The following TSC22D1 variants were observed in gnomAD, a reference collection of about 807,000 sequenced individuals.
TSC22D1 encodes TSC22 domain family protein 1.
Under a neutral mutation model 74.2 loss-of-function variants are expected in TSC22D1, and 9 were observed. That is an observed-to-expected ratio of 0.12 (90% CI 0.07 to 0.21). The LOEUF (loss-of-function observed/expected upper bound fraction) is 0.21, where lower values mean the gene tolerates loss of function less well. Among genes scored for constraint, TSC22D1 ranks in the 10% least tolerant of loss-of-function variants. The probability of loss-of-function intolerance (pLI) is 1.00; values close to 1 mark genes in which losing one functional copy is unlikely to be tolerated. For missense variants in TSC22D1, 1,427 were observed against 1,304.7 expected (o/e 1.09, Z -1.44); for synonymous variants, 586 against 492.5 (o/e 1.19, Z -2.51).
At chr13:44,461,880 A>C (rs1234566886) in intron 1 of TSC22D1, among the ~76,000 whole-genome samples, 1 of 152,228 alleles carries the variant, frequency 6.6e-6, no homozygotes, top group African/African-American at 2.4e-5. Flanking sequence ...CCTTTAGGAA[A>C]TAGGAGCACC....
At chr13:44,476,699 C>T (rs151080663) in intron 1 of TSC22D1, among the ~76,000 whole-genome samples, 6 of 152,272 alleles carry the variant, frequency 3.9e-5, no homozygotes, top group African/African-American at 1.4e-4. Flanking sequence ...CTTTTAGAGA[C>T]AGGGTCTTGC....
Position 44,574,733 on chromosome 13 carries a change from CCACTTTATTTATCAG to C in TSC22D1, c.1327_1341del (p.Leu443_Val447del). ...ATCGGATTTTGCTTTACAGTCTCCA[CCACTTTATTTATCAG>C]CACACCTTCTGTAGCAGGTACAGCA... On this transcript the variant is annotated inframe_deletion, in exon 1 of 3. Coordinates refer to ENST00000458659, the MANE Select transcript of TSC22D1 (RefSeq NM_183422.4). 6.2e-7 allele frequency: 1 copy of C among 1,610,218 alleles called. No individual in the cohort carries two copies. The highest frequency in any genetic ancestry group is 8.5e-7 in the Non-Finnish European group (1 of 1,177,932).
intron 1 of TSC22D1, chr13:44,539,441 G>C (rs542588641): frequency 7.5e-5 from 74 of 985,194 alleles, no homozygotes; most frequent in Admixed American, 5.5e-4. Context: ...TAAATTACTT[G>C]AATATAAAAG....
At chr13:44,563,473 A>T (rs1883176956) in intron 1 of TSC22D1, among the ~76,000 whole-genome samples, 1 of 152,128 alleles carries the variant, frequency 6.6e-6, no homozygotes. Context: ...TTCCTTTTAC[A>T]CTAATCTTCC....
chr13:44,456,372 G>A (rs1255240730), intron 1 of TSC22D1, among the ~76,000 whole-genome samples: 2 of 152,100 alleles, frequency 1.3e-5, no homozygotes, highest in African/African-American at 4.8e-5. Context: ...AGTACCGATT[G>A]GTCTGTTTTT....
In TSC22D1 at chr13:44,573,881, T is replaced by C; in HGVS notation, c.2194A>G (p.Ile732Val). 6.2e-7 allele frequency: 1 copy of C among 1,614,188 alleles called. No homozygotes were observed. The highest frequency in any genetic ancestry group is 8.5e-7 in the Non-Finnish European group (1 of 1,180,038). Residue 732 changes from isoleucine (I) to valine (V), a missense_variant, in exon 1 of 3, where the codon ATT becomes GTT. Ile to Val is a conservative substitution (Grantham distance 29). This residue lies in a region of TSC22D1 where 1,343 missense variants were observed against 1,191.5 expected (regional missense o/e 1.13). Transcript: ENST00000458659. ...GTAGGTATGTTTGCTTGCTGACCAA[T>C]ATTTGCAATCTGACTGCCAGTAGGT... The part of the protein sequence containing the change: ...AVPTGSQIAN[I>V]GQQANIPTAV...
intron 1 of TSC22D1, among the ~76,000 whole-genome samples, chr13:44,517,821 G>A (rs1246153656): frequency 8.9e-4 from 29 of 32,628 alleles, no homozygotes; most frequent in African/African-American, 2.8e-3. Flanking sequence ...ATGTGTGTGT[G>A]TGTGTGTGTA....
chr13:44,459,168 C>T (rs1014561735), intron 1 of TSC22D1, among the ~76,000 whole-genome samples: 12 of 152,210 alleles, frequency 7.9e-5, no homozygotes, highest in Admixed American at 6.5e-4. Context: ...CCATAAAACA[C>T]CCCCGGACTC....
chr13:44,487,703 T>TAA (rs113240665), intron 1 of TSC22D1, among the ~76,000 whole-genome samples: 4 of 147,392 alleles, frequency 2.7e-5, no homozygotes, highest in Admixed American at 1.4e-4. Context: ...TTCAAGAGGT[T>TAA]AAAAAAAAAA....
rs182949699 is a variant in TSC22D1 at position 44,570,076 on chromosome 13, G to A, written c.2912+3087C>T. Among the ~76,000 whole-genome samples, 12 of 152,182 alleles carry A rather than the reference G, an allele frequency of 7.9e-5. No homozygotes were observed. The East Asian group carries it at 1.9e-3, about 24-fold the overall frequency. On this transcript the variant is annotated intron_variant, in intron 1 of 2. Coordinates refer to ENST00000458659, the MANE Select transcript of TSC22D1 (RefSeq NM_183422.4). ...TGAATAGAAGTTTGACCCATTTCAC[G>A]TTAAGAGGCTGTGCTAATAACAATC...
In TSC22D1 at chr13:44,573,101, A is replaced by G. The variant is rs1475849381; in HGVS notation, c.2912+62T>C. 1.3e-5 allele frequency: 20 copies of G among 1,555,142 alleles called. No individual in the cohort carries two copies. In the African/African-American group the frequency reaches 2.5e-4, roughly 19 times the overall value. ...TTAGAGTCATTTTGTGCATACATAT[A>G]GCTACTAAATAGATTAACTTCAAAT... On this transcript the variant is annotated intron_variant, in intron 1 of 2. Transcript: ENST00000458659.
intron 1 of TSC22D1, among the ~76,000 whole-genome samples, chr13:44,481,377 G>A (rs928666901): frequency 6.6e-5 from 10 of 152,144 alleles, no homozygotes; most frequent in Admixed American, 5.2e-4. Flanking sequence ...GGGGTGGGTG[G>A]TTCTGGTTCA....
At chr13:44,541,829 A>G (rs547042225) in intron 1 of TSC22D1, among the ~76,000 whole-genome samples, 1 of 152,254 alleles carries the variant, frequency 6.6e-6, no homozygotes, top group East Asian at 1.9e-4. Context: ...TGGCTCTTTA[A>G]CAGAGGAAAA....
At chr13:44,516,144 T>C (rs1322581065) in intron 1 of TSC22D1, among the ~76,000 whole-genome samples, 1 of 152,188 alleles carries the variant, frequency 6.6e-6, no homozygotes, top group Non-Finnish European at 1.5e-5. Flanking sequence ...ATTAGTAGTA[T>C]GCAGTATCCC....
Position 44,436,208 on chromosome 13 carries a change from T to A in TSC22D1, c.2913-113A>T, listed in dbSNP as rs1260194447. The A allele has an allele frequency of 2.5e-6, 3 of 1,221,644 alleles. No individual in the cohort carries two copies. The African/African-American group carries it at 4.6e-5, about 19-fold the overall frequency. The allele number at this position is 1,221,644 out of a possible 1,614,324, so 75.7% of individuals were successfully genotyped here. A position where few individuals can be genotyped will look rare whatever the true frequency, so the allele number is the denominator to read the frequency against. On this transcript the variant is annotated intron_variant, in intron 1 of 2. Transcript: ENST00000458659. The stretch of plus-strand genomic sequence containing the variant: ...TGCTAGCATCATATTTTGAATGTTA[T>A]TTAACACTATGTAATGTATCACCCT...
At chr13:44,493,864 T>C (rs570384324) in intron 1 of TSC22D1, among the ~76,000 whole-genome samples, 1 of 152,256 alleles carries the variant, frequency 6.6e-6, no homozygotes, top group Non-Finnish European at 1.5e-5. Flanking sequence ...GTCAAAACAA[T>C]TGCTAACCAC....
chr13:44,539,919 A>C (rs1315026512), intron 1 of TSC22D1: 2 of 1,289,596 alleles, frequency 1.6e-6, no homozygotes, highest in South Asian at 1.2e-5. Context: ...GGTAGGAGAG[A>C]AGCACTGAAA....
rs1216532392 is a variant in TSC22D1, at chr13:44,576,046, G to C, written c.29C>G (p.Ala10Gly). The C allele has an allele frequency of 1.9e-6, 3 of 1,570,706 alleles. No individual in the cohort carries two copies. The highest frequency in any genetic ancestry group is 2.6e-6 in the Non-Finnish European group (3 of 1,160,258). The change falls in exon 1 of 3, where the codon GCG becomes GGG. Residue 10 changes from alanine to glycine, a missense_variant. Physicochemically the swap from Ala to Gly is moderately conservative, Grantham distance 60 (BLOSUM62 0). This residue lies in a region of TSC22D1 where 1,343 missense variants were observed against 1,191.5 expected (regional missense o/e 1.13). Coordinates refer to ENST00000458659, the MANE Select transcript of TSC22D1 (RefSeq NM_183422.4). MHQPPESTA[A>G]AAAAADISAR... ...GCTAATGTCTGCAGCGGCGGCGGCC[G>C]CGGCGGTGGACTCAGGCGGCTGGTG... is the stretch of plus-strand genomic sequence containing the variant.
At position 44,574,228 on chromosome 13, in the gene TSC22D1, G is replaced by T. The variant is rs753947651; in HGVS notation, c.1847C>A (p.Thr616Asn). Residue 616 changes from threonine to asparagine, a missense_variant, in exon 1 of 3, where the codon ACT becomes AAT. Thr to Asn is a moderately conservative substitution (Grantham distance 65, BLOSUM62 0). Coordinates refer to ENST00000458659, the MANE Select transcript of TSC22D1 (RefSeq NM_183422.4). ...GGGTGGTGGTGCCCCTGGAAGGGGA[G>T]TTTGCACTGGAGGAGCCGCCTGAGA... The part of the protein sequence containing the change: ...PYSQAAPPVQ[T>N]PLPGAPPPQQ... The T allele has an allele frequency of 1.1e-5, 17 of 1,614,124 alleles. No individual in the cohort carries two copies. In the African/African-American group the frequency reaches 2.0e-4, roughly 19 times the overall value.
Sources: allele counts gnomAD v4.1 joint callset (sites outside exome capture counted in the v4.1 genomes callset), GRCh38; gene constraint gnomAD v4.1.1; regional missense constraint gnomAD v4.1.1; transcripts MANE v1.5; gene names NCBI Gene and HGNC (gene_info 2026-07-23, HGNC 2026-07-21).